Variants in NDUFS6 observed in about 807,000 individuals in gnomAD.
The protein encoded by NDUFS6 is NADH:ubiquinone oxidoreductase subunit S6, also known as NADH dehydrogenase [ubiquinone] iron-sulfur protein 6, mitochondrial.
Under a neutral mutation model 13.2 loss-of-function variants are expected in NDUFS6, and 14 were observed. The ratio of observed to expected loss-of-function variants is 1.06; its 90% CI spans 0.70 to 1.66. NDUFS6 has a LOEUF of 1.66. Among genes scored for constraint, NDUFS6 ranks in the 40% most tolerant of loss-of-function variants. The pLI is 0.00. For missense variants in NDUFS6, 206 were observed against 170.8 expected, an observed-to-expected ratio of 1.21 and a Z score of -1.15; for synonymous variants, 95 against 72.3, an observed-to-expected ratio of 1.31 and a Z score of -1.60.
intron 3 of NDUFS6, among the ~76,000 whole-genome samples, chr5:1,815,125 G>A (rs1476260258): frequency 1.3e-5 from 2 of 152,174 alleles, no homozygotes; most frequent in Non-Finnish European, 2.9e-5. Flanking sequence ...GCCTGTTGAT[G>A]AGTGTCATAT....
At chr5:1,813,844 C>G (rs1337821758) in intron 2 of NDUFS6, among the ~76,000 whole-genome samples, 1 of 152,236 alleles carries the variant, frequency 6.6e-6, no homozygotes, top group Non-Finnish European at 1.5e-5. Context: ...GTTGGTCTAA[C>G]GGATTGCAGA....
At position 1,815,957 on chromosome 5, in the gene NDUFS6, A is replaced by C; in HGVS notation, c.*41A>C. On this transcript the variant is annotated 3_prime_UTR_variant, in exon 4 of 4. Transcript: ENST00000274137. ...GGGGGTCCCGCAGCATCCTGTGAGCATTTCCGCGGGGAAGCTGAGCACGTG... is the reference window on the plus strand; with the variant it reads ...GGGGGTCCCGCAGCATCCTGTGAGCCTTTCCGCGGGGAAGCTGAGCACGTG... The C allele has an allele frequency of 6.2e-7, 1 of 1,609,244 alleles. No individual in the cohort carries two copies. Among genetic ancestry groups the C allele is most frequent in the Non-Finnish European group, 8.5e-7 (1 of 1,175,486 alleles).
chr5:1,801,599 C>T (rs974929626), intron 1 of NDUFS6, 50 bp downstream of exon 1: 43 of 1,530,956 alleles, frequency 2.8e-5, no homozygotes, highest in Non-Finnish European at 1.4e-5. Context: ...GCACCTCGGG[C>T]GACTGGTGGC....
Position 1,814,388 on chromosome 5 carries a change from A to AG in NDUFS6, c.238dup (p.Val80GlyfsTer59), listed in dbSNP as rs765680870. ...TTGATAGCAGAGCAGCCCGTGAGCG[A>AG]GGTGGAGACTCGGGTGATAGCGTGC... On this transcript the variant is annotated frameshift_variant, in exon 3 of 4. Transcript: ENST00000274137. LOFTEE classifies it high-confidence loss of function. The surrounding 1 kb of genome is among the most constrained non-coding windows in gnomAD (Gnocchi z 4.9). The AG allele has an allele frequency of 6.2e-7, 1 of 1,614,200 alleles. No individual in the cohort carries two copies. Among genetic ancestry groups the AG allele is most frequent in the Non-Finnish European group, 8.5e-7 (1 of 1,180,032 alleles).
At chr5:1,811,823 ATT>A (rs1734223713) in intron 2 of NDUFS6, among the ~76,000 whole-genome samples, 1 of 152,188 alleles carries the variant, frequency 6.6e-6, no homozygotes, top group East Asian at 1.9e-4. Context: ...ACATAATATA[ATT>A]GGTTCTGGTT....
chr5:1,809,024 G>A (rs1409499293), intron 2 of NDUFS6, among the ~76,000 whole-genome samples: 2 of 152,184 alleles, frequency 1.3e-5, no homozygotes, highest in African/African-American at 4.8e-5. Context: ...CTGTGTCACA[G>A]AATCACATAT....
chr5:1,807,512 C>T (rs570977985), intron 2 of NDUFS6, among the ~76,000 whole-genome samples: 4 of 152,180 alleles, frequency 2.6e-5, no homozygotes, highest in Non-Finnish European at 5.9e-5. Flanking sequence ...GAGGTTCCTC[C>T]CTGAGGCTTC....
At chr5:1,810,305 A>T (rs1734198571) in intron 2 of NDUFS6, among the ~76,000 whole-genome samples, 3 of 152,216 alleles carry the variant, frequency 2.0e-5, no homozygotes. Flanking sequence ...GGGGACATGC[A>T]GGTAGACCCA....
chr5:1,805,630 G>A (rs1056872647), intron 2 of NDUFS6, among the ~76,000 whole-genome samples: 19 of 152,162 alleles, frequency 1.2e-4, no homozygotes, highest in Non-Finnish European at 7.4e-5. Context: ...GTCAGATGGG[G>A]GACTGGAACA....
chr5:1,814,393 GA>G lies in NDUFS6; in HGVS notation c.242del (p.Glu81GlyfsTer4). The G allele has an allele frequency of 6.2e-7, 1 of 1,614,078 alleles. No homozygotes were observed. The highest frequency in any genetic ancestry group is 8.5e-7 in the Non-Finnish European group (1 of 1,179,988). The stretch of plus-strand genomic sequence containing the variant: ...AGCAGAGCAGCCCGTGAGCGAGGTG[GA>G]GACTCGGGTGATAGCGTGCGATGGC... ...LIAEQPVSEV[E>X]TRVIACDGGG... is the part of the protein sequence containing the mutation. On this transcript the variant is annotated frameshift_variant, in exon 3 of 4. Transcript: ENST00000274137. LOFTEE classifies it high-confidence loss of function. The surrounding 1 kb of genome is among the most constrained non-coding windows in gnomAD (Gnocchi z 4.9).
At chr5:1,802,144 C>T in intron 1 of NDUFS6, 177 bp from the exon 2 acceptor site, 1 of 602,638 alleles carries the variant, frequency 1.7e-6, no homozygotes, top group Non-Finnish European at 2.9e-6. Flanking sequence ...CCGTTTTCAT[C>T]CCAGGTATCT....
intron 2 of NDUFS6, among the ~76,000 whole-genome samples, chr5:1,808,447 A>G (rs1734161833): frequency 6.6e-6 from 1 of 152,214 alleles, no homozygotes; most frequent in African/African-American, 2.4e-5. Context: ...GTCAGAAATA[A>G]TGGTTATAAA....
chr5:1,801,574 C>T (rs757799619), intron 1 of NDUFS6, 25 bp downstream of exon 1: 20 of 1,558,284 alleles, frequency 1.3e-5, no homozygotes, highest in Non-Finnish European at 1.6e-5. Flanking sequence ...GTACAGGATG[C>T]ACCTTCCTCC....
chr5:1,805,966 T>C lies in NDUFS6; in HGVS notation c.186+3592T>C, dbSNP rs1187255397. 2.6e-5 allele frequency among the ~76,000 whole-genome samples: 4 copies of C among 152,190 alleles called. No individual in the cohort carries two copies. The East Asian group carries it at 7.7e-4, about 29-fold the overall frequency. Reference sequence around the variant, plus strand: ...TAGGCTCGTGGGCACTGAGTCCGTGTAGATGAGGAAAGGCTTGGAGCAGCG... The same window carrying C: ...TAGGCTCGTGGGCACTGAGTCCGTGCAGATGAGGAAAGGCTTGGAGCAGCG... On this transcript the variant is annotated intron_variant, in intron 2 of 3. Coordinates refer to ENST00000274137, the MANE Select transcript of NDUFS6 (RefSeq NM_004553.6).
intron 2 of NDUFS6, among the ~76,000 whole-genome samples, chr5:1,809,658 C>T (rs1039580900): frequency 2.6e-5 from 4 of 152,198 alleles, no homozygotes; most frequent in Non-Finnish European, 4.4e-5. Flanking sequence ...CTTTGACTGC[C>T]GTGATCGGGG....
chr5:1,812,958 CAG>C (rs1330705129), intron 2 of NDUFS6, among the ~76,000 whole-genome samples: 1 of 152,090 alleles, frequency 6.6e-6, no homozygotes, highest in Non-Finnish European at 1.5e-5. Context: ...GAGGCTGAGG[CAG>C]AGAATTGGTT....
intron 2 of NDUFS6, among the ~76,000 whole-genome samples, chr5:1,804,223 T>G (rs1012194073): frequency 6.6e-6 from 1 of 152,234 alleles, no homozygotes; most frequent in Admixed American, 6.5e-5. Flanking sequence ...ATTCATGCAA[T>G]CTGGCTTCCA....
intron 2 of NDUFS6, among the ~76,000 whole-genome samples, chr5:1,804,067 C>T (rs1471715188): frequency 2.6e-5 from 4 of 152,138 alleles, no homozygotes; most frequent in Non-Finnish European, 5.9e-5. Context: ...CGGAGGTTTC[C>T]TGGGCATCGA....
At chr5:1,806,839 G>A (rs966939457) in intron 2 of NDUFS6, among the ~76,000 whole-genome samples, 18 of 152,292 alleles carry the variant, frequency 1.2e-4, no homozygotes, top group Admixed American at 5.9e-4. Context: ...AGCGGGGTCC[G>A]GGGTACACTC....
Sources: gnomAD v4.1 joint callset for allele counts (sites outside exome capture counted in the v4.1 genomes callset) on GRCh38, gnomAD v4.1.1 for gene constraint, Gnocchi (gnomAD v3.1) non-coding constraint, MANE v1.5 for transcripts, NCBI Gene and HGNC (gene_info 2026-07-23, HGNC 2026-07-21) for gene names.